The following REEP1 variants were observed in gnomAD, a reference collection of about 807,000 sequenced individuals.
The protein encoded by REEP1 is receptor accessory protein 1.
REEP1 carries 22 observed loss-of-function variants against 40.3 expected under a neutral mutation model. That is an observed-to-expected ratio of 0.55 (90% confidence interval 0.39 to 0.78). REEP1 has a LOEUF of 0.78. REEP1 is among the 30% of genes least tolerant of loss of function. REEP1 has a pLI of 0.00. For missense variants in REEP1, 280 were observed against 361.1 expected, an observed-to-expected ratio of 0.78 and a Z score of 1.82; for synonymous variants, 116 against 139.2, an observed-to-expected ratio of 0.83 and a Z score of 1.17.
chr2:86,265,628 T>C (rs1677090876), intron 2 of REEP1, among the ~76,000 whole-genome samples: 1 of 152,174 alleles, frequency 6.6e-6, no homozygotes, highest in African/African-American at 2.4e-5. Flanking sequence ...AAATCATGTC[T>C]TTTGCAGCAA....
intron 5 of REEP1, among the ~76,000 whole-genome samples, chr2:86,248,497 G>C (rs1055576039): frequency 6.6e-6 from 1 of 152,018 alleles, no homozygotes; most frequent in Non-Finnish European, 1.5e-5. Flanking sequence ...ACCTAGGCTA[G>C]AGTGCAGTGG....
At chr2:86,280,318 G>T (rs1370325351) in intron 2 of REEP1, among the ~76,000 whole-genome samples, 1 of 152,220 alleles carries the variant, frequency 6.6e-6, no homozygotes, top group Non-Finnish European at 1.5e-5. Context: ...ACAAACAGCT[G>T]CTCTGCTCAT....
intron 2 of REEP1, among the ~76,000 whole-genome samples, chr2:86,271,801 T>G (rs1355729043): frequency 6.6e-6 from 1 of 152,264 alleles, no homozygotes; most frequent in Non-Finnish European, 1.5e-5. Flanking sequence ...CTGGGAATTC[T>G]CAACATCAGT....
At chr2:86,252,117 C>T (rs776019766) in intron 4 of REEP1, 47 bp from the exon 5 acceptor site, 47 of 1,298,502 alleles carry the variant, frequency 3.6e-5, no homozygotes, top group Non-Finnish European at 5.2e-5. Flanking sequence ...GGTTCAAACA[C>T]ATCTCTGTTT....
chr2:86,327,809 T>G (rs771113661), intron 1 of REEP1, among the ~76,000 whole-genome samples: 1 of 152,142 alleles, frequency 6.6e-6, no homozygotes, highest in Non-Finnish European at 1.5e-5. Flanking sequence ...TCTCATGATC[T>G]GCCCGCCTCG....
At chr2:86,256,077 G>A (rs1008743256) in intron 3 of REEP1, among the ~76,000 whole-genome samples, 5 of 152,118 alleles carry the variant, frequency 3.3e-5, no homozygotes, top group South Asian at 2.1e-4. Context: ...GGCCGGGCGC[G>A]GTGGCTCATG....
intron 1 of REEP1, among the ~76,000 whole-genome samples, chr2:86,284,474 G>T (rs1462304339): frequency 6.6e-6 from 1 of 152,198 alleles, no homozygotes; most frequent in Non-Finnish European, 1.5e-5. Flanking sequence ...GCCAAAGCCA[G>T]CACCATCCAG....
chr2:86,295,977 C>A (rs1016274638), intron 1 of REEP1, among the ~76,000 whole-genome samples: 1 of 152,158 alleles, frequency 6.6e-6, no homozygotes, highest in African/African-American at 2.4e-5. Flanking sequence ...GAAAAAAATT[C>A]CAAGACAATA....
At chr2:86,230,245 C>G (rs1158769187) in intron 6 of REEP1, among the ~76,000 whole-genome samples, 1 of 152,250 alleles carries the variant, frequency 6.6e-6, no homozygotes, top group Admixed American at 6.5e-5. Flanking sequence ...GGAAGATACT[C>G]CAGGCCCAGA....
At chr2:86,269,233 T>C (rs1677308915) in intron 2 of REEP1, among the ~76,000 whole-genome samples, 1 of 152,218 alleles carries the variant, frequency 6.6e-6, no homozygotes, top group Non-Finnish European at 1.5e-5. Context: ...TGTTCTATTT[T>C]ATAGAATGAA....
At chr2:86,227,289 G>A in intron 7 of REEP1, 74 bp downstream of exon 7, 9 of 1,188,564 alleles carry the variant, frequency 7.6e-6, no homozygotes, top group Non-Finnish European at 8.4e-6. Flanking sequence ...CCAGGGTCAG[G>A]TGCCCACTCC....
At chr2:86,272,581 T>C (rs1385439558) in intron 2 of REEP1, among the ~76,000 whole-genome samples, 3 of 152,238 alleles carry the variant, frequency 2.0e-5, no homozygotes, top group African/African-American at 7.2e-5. Context: ...CATCTGCTTC[T>C]AACTCTAGAC....
At chr2:86,245,254 A>C (rs970200108) in intron 5 of REEP1, among the ~76,000 whole-genome samples, 2 of 152,138 alleles carry the variant, frequency 1.3e-5, no homozygotes, top group African/African-American at 4.8e-5. Context: ...AAAATATGGG[A>C]CAATAAGTTG....
At chr2:86,257,194 T>C (rs1676607792) in intron 3 of REEP1, among the ~76,000 whole-genome samples, 1 of 152,130 alleles carries the variant, frequency 6.6e-6, no homozygotes, top group Non-Finnish European at 1.5e-5. Context: ...AAAACAAGTA[T>C]TCACCAGCCC....
At chr2:86,272,459 CA>C (rs1363653586) in intron 2 of REEP1, among the ~76,000 whole-genome samples, 10 of 152,194 alleles carry the variant, frequency 6.6e-5, no homozygotes, top group Non-Finnish European at 1.2e-4. Flanking sequence ...AGTAGTGAAA[CA>C]ATCACATACT....
intron 5 of REEP1, among the ~76,000 whole-genome samples, chr2:86,241,767 A>G (rs1167109763): frequency 6.6e-6 from 1 of 152,236 alleles, no homozygotes; most frequent in African/African-American, 2.4e-5. Context: ...CTGCTCCAGC[A>G]GCCCACGTTT....
chr2:86,292,249 A>G (rs1025132708), intron 1 of REEP1, among the ~76,000 whole-genome samples: 2 of 152,248 alleles, frequency 1.3e-5, no homozygotes, highest in Non-Finnish European at 2.9e-5. Context: ...GACTGTAGGT[A>G]CAAATTTAAC....
chr2:86,294,080 C>G (rs1386493283), intron 1 of REEP1, among the ~76,000 whole-genome samples: 1 of 152,136 alleles, frequency 6.6e-6, no homozygotes, highest in Non-Finnish European at 1.5e-5. Context: ...GATAACTCAA[C>G]TCCTTAACTA....
chr2:86,232,690 C>T lies in REEP1; in HGVS notation c.530G>A (p.Arg177Gln), dbSNP rs1333042512. ...PSGPPPPGSG[R>Q]ASGKHGQPKM... ...AGGCTGGCCGTGTTTGCCGCTGGCC[C>T]GCCCAGACCCCGGTGGTGGGGGGCC... The change falls in exon 6 of 9, where the codon CGG (arginine) becomes CAG (glutamine). Residue 177 changes from arginine (R) to glutamine (Q), a missense_variant. Transcript: ENST00000538924. The T allele has an allele frequency of 8.1e-6, 13 of 1,611,966 alleles. No individual in the cohort carries two copies. The highest frequency in any genetic ancestry group is 6.7e-5 in the East Asian group (3 of 44,886).
Sources: allele counts gnomAD v4.1 joint callset (sites outside exome capture counted in the v4.1 genomes callset), GRCh38; gene constraint gnomAD v4.1.1; transcripts MANE v1.5; gene names NCBI Gene and HGNC (gene_info 2026-07-23, HGNC 2026-07-21).